Variants in CSMD1 observed in about 807,000 individuals in gnomAD.
CSMD1 encodes the protein CUB and sushi domain-containing protein 1.
A neutral mutation model predicts 417.5 loss-of-function variants in CSMD1; 213 were observed. The ratio of observed to expected loss-of-function variants is 0.51; its 90% CI spans 0.46 to 0.57. The LOEUF is 0.57. Ranked by LOEUF, CSMD1 falls within the 20% of genes least tolerant of loss-of-function variation. CSMD1 has a pLI of 0.00. For missense variants in CSMD1, 6,923 were observed against 4,529.7 expected, an observed-to-expected ratio of 1.53 and a Z score of -15.17; for synonymous variants, 2,862 against 1,736.8, an observed-to-expected ratio of 1.65 and a Z score of -16.11.
intron 3 of CSMD1, among the ~76,000 whole-genome samples, chr8:4,188,047 C>T (rs1006283164): frequency 1.3e-5 from 2 of 152,006 alleles, no homozygotes; most frequent in African/African-American, 2.4e-5. Flanking sequence ...CAAACTTCGT[C>T]CTAGTCATAG....
At chr8:4,308,241 T>C (rs891232717) in intron 3 of CSMD1, among the ~76,000 whole-genome samples, 4 of 152,088 alleles carry the variant, frequency 2.6e-5, no homozygotes, top group East Asian at 1.9e-4. Flanking sequence ...CAGTCATGTA[T>C]AGTTTTTTTT....
At chr8:3,538,011 C>T (rs562615272) in intron 10 of CSMD1, among the ~76,000 whole-genome samples, 35 of 152,302 alleles carry the variant, frequency 2.3e-4, no homozygotes, top group African/African-American at 6.5e-4. Flanking sequence ...AAAGGGCTTT[C>T]CTACAAGACT....
At chr8:3,551,464 A>G (rs1798908475) in intron 10 of CSMD1, among the ~76,000 whole-genome samples, 1 of 151,852 alleles carries the variant, frequency 6.6e-6, no homozygotes, top group Non-Finnish European at 1.5e-5. Flanking sequence ...AAAAGAACAT[A>G]TTTTACCAAA....
At chr8:3,549,961 T>A (rs1798837994) in intron 10 of CSMD1, among the ~76,000 whole-genome samples, 2 of 152,232 alleles carry the variant, frequency 1.3e-5, no homozygotes, top group African/African-American at 4.8e-5. Context: ...ATTAGGTATC[T>A]TGGATCTAGA....
intron 2 of CSMD1, among the ~76,000 whole-genome samples, chr8:4,632,755 C>T (rs1478281): frequency 0.7 from 106,711 of 152,044 alleles, 37,813 homozygotes; most frequent in Admixed American, 0.79. Flanking sequence ...AGAAAATGTA[C>T]GTGGGTTGTT....
At position 3,582,618 on chromosome 8, in the gene CSMD1, C is replaced by G. The variant is rs115814017; in HGVS notation, c.1222+3518G>C. ...CTGCTAGCCACACGTGGCTACTGAG[C>G]ACCTGAAATGCAGCTGGTCTGAGAT... On this transcript the variant is annotated intron_variant, in intron 9 of 69. Coordinates refer to ENST00000635120, the MANE Select transcript of CSMD1 (RefSeq NM_033225.6). Among the ~76,000 whole-genome samples, 1,098 of 152,240 alleles carry G rather than the reference C, an allele frequency of 7.2e-3. 14 individuals carry two copies. The highest frequency in any genetic ancestry group is 0.024 in the African/African-American group (988 of 41,548).
Position 4,020,372 on chromosome 8 carries a change from T to A in CSMD1, c.610+11533A>T, listed in dbSNP as rs184358406. 1.3e-3 allele frequency among the ~76,000 whole-genome samples: 202 copies of A among 152,336 alleles called. 9 individuals carry two copies. In the East Asian group the frequency reaches 0.034, roughly 25 times the overall value. Reference sequence around the variant, plus strand: ...GCTCAAGACTGCAAGATGTTGTATTTCATTTAATCCTTAAACTGACACTGA... The same window carrying A: ...GCTCAAGACTGCAAGATGTTGTATTACATTTAATCCTTAAACTGACACTGA... On this transcript the variant is annotated intron_variant, in intron 4 of 69. Transcript: ENST00000635120.
chr8:4,982,770 G>A (rs1282689644), intron 1 of CSMD1, among the ~76,000 whole-genome samples: 3 of 152,100 alleles, frequency 2.0e-5, no homozygotes, highest in Non-Finnish European at 4.4e-5. Flanking sequence ...AGTTCGGCTT[G>A]GCTATACTTT....
chr8:3,477,257 G>A (rs78737412), intron 11 of CSMD1, among the ~76,000 whole-genome samples: 2,371 of 152,084 alleles, frequency 0.016, 109 homozygotes, highest in South Asian at 0.12. Flanking sequence ...AAAAAAGGGG[G>A]AGATGTGCTA....
intron 7 of CSMD1, among the ~76,000 whole-genome samples, chr8:3,684,518 T>G (rs909190350): frequency 4.0e-5 from 6 of 151,578 alleles, no homozygotes; most frequent in Admixed American, 3.9e-4. Context: ...TTTATCTTTT[T>G]TACTGGCCAT....
At chr8:4,774,631 C>A (rs572835990) in intron 1 of CSMD1, among the ~76,000 whole-genome samples, 3 of 152,242 alleles carry the variant, frequency 2.0e-5, no homozygotes, top group African/African-American at 7.2e-5. Flanking sequence ...CATTTCCCCA[C>A]CCTAACTTCA....
intron 3 of CSMD1, among the ~76,000 whole-genome samples, chr8:4,404,398 C>G (rs184209678): frequency 1.3e-5 from 2 of 152,102 alleles, no homozygotes; most frequent in South Asian, 4.1e-4. Context: ...TATGTAATCT[C>G]TAGAAATTGT....
intron 7 of CSMD1, among the ~76,000 whole-genome samples, chr8:3,687,704 G>T (rs1800009041): frequency 1.3e-5 from 2 of 152,172 alleles, no homozygotes; most frequent in Non-Finnish European, 2.9e-5. Context: ...CTAACTGATG[G>T]CTGGTGGCCT....
chr8:4,975,555 G>T (rs1056351078), intron 1 of CSMD1, among the ~76,000 whole-genome samples: 2 of 152,170 alleles, frequency 1.3e-5, no homozygotes, highest in Admixed American at 6.6e-5. Context: ...GCCCAGGAAG[G>T]TCCCAAAACT....
intron 13 of CSMD1, 79 bp downstream of exon 13, chr8:3,409,344 G>C (rs1244866083): frequency 7.5e-7 from 1 of 1,329,774 alleles, no homozygotes; most frequent in Non-Finnish European, 1.0e-6. Flanking sequence ...TAAATGGGCG[G>C]TCTGTGTCTT....
intron 3 of CSMD1, among the ~76,000 whole-genome samples, chr8:4,333,860 A>G (rs943061756): frequency 9.2e-5 from 14 of 152,164 alleles, no homozygotes; most frequent in South Asian, 8.3e-4. Context: ...CATCTTTAAC[A>G]TGGGGATTCT....
intron 5 of CSMD1, among the ~76,000 whole-genome samples, chr8:3,809,856 G>C (rs917732892): frequency 2.6e-5 from 4 of 152,226 alleles, no homozygotes; most frequent in Middle Eastern, 3.4e-3. Context: ...AGAAAAACTG[G>C]TGAGAACGTC....
At chr8:4,166,987 GC>G (rs1797493551) in intron 3 of CSMD1, among the ~76,000 whole-genome samples, 2 of 152,214 alleles carry the variant, frequency 1.3e-5, no homozygotes, top group Non-Finnish European at 2.9e-5. Flanking sequence ...CTTTCTGCCT[GC>G]CCCTGTGCTG....
intron 10 of CSMD1, among the ~76,000 whole-genome samples, chr8:3,517,275 C>G (rs1190743602): frequency 6.6e-6 from 1 of 152,116 alleles, no homozygotes; most frequent in Non-Finnish European, 1.5e-5. Context: ...AGTTGTGAAT[C>G]ACAAGAGAAC....
Sources: gnomAD v4.1 joint callset for allele counts (sites outside exome capture counted in the v4.1 genomes callset) on GRCh38, gnomAD v4.1.1 for gene constraint, MANE v1.5 for transcripts, NCBI Gene and HGNC (gene_info 2026-07-23, HGNC 2026-07-21) for gene names.